The following IL27 variants were observed in gnomAD, a reference collection of about 807,000 sequenced individuals.
IL27 encodes interleukin-27 subunit alpha.
IL27 carries 11 observed loss-of-function variants against 27.0 expected under a neutral mutation model. The observed-to-expected ratio is 0.41, with a 90% confidence interval of 0.26 to 0.67. The LOEUF is 0.67. IL27 is among the 30% of genes least tolerant of loss of function. The pLI is 0.34. For missense variants in IL27, 299 were observed against 310.4 expected (o/e 0.96, Z 0.28); for synonymous variants, 134 against 140.6 (o/e 0.95, Z 0.33).
In IL27 at chr16:28,503,939, G is replaced by A. The variant is rs772274778; in HGVS notation, c.143C>T (p.Thr48Ile). The A allele has an allele frequency of 1.2e-6, 2 of 1,614,212 alleles. No homozygotes were observed. Among genetic ancestry groups the A allele is most frequent in the Non-Finnish European group, 1.7e-6 (2 of 1,180,034 alleles). The change falls in exon 2 of 5, where the codon ACA becomes ATA. Residue 48 changes from threonine to isoleucine, a missense_variant. Transcript: ENST00000356897. ...LSLQELRREF[T>I]VSLHLARKLL... ...CTTCCTGGCGAGATGCAGGCTGACT[G>A]TGAACTCCCTCCGCAGCTCCTGCAG...
intron 1 of IL27, among the ~76,000 whole-genome samples, 189 bp downstream of exon 1, chr16:28,506,592 G>A (rs989532886): frequency 6.6e-6 from 1 of 151,990 alleles, no homozygotes; most frequent in Non-Finnish European, 1.5e-5. Flanking sequence ...CCCTGGGTCA[G>A]ACCACCACCC....
intron 3 of IL27, 79 bp from the exon 4 acceptor site, chr16:28,502,213 T>A: frequency 7.6e-7 from 1 of 1,315,550 alleles, no homozygotes; most frequent in South Asian, 1.4e-5. Flanking sequence ...CCTATCCGGG[T>A]CTCCTTCCCA....
intron 1 of IL27, among the ~76,000 whole-genome samples, chr16:28,504,268 A>G (rs1380749870): frequency 6.6e-6 from 1 of 152,196 alleles, no homozygotes; most frequent in African/African-American, 2.4e-5. Flanking sequence ...ACCTGAGGCC[A>G]GGAGTTCAAG....
intron 4 of IL27, 94 bp downstream of exon 4, chr16:28,501,882 C>T (rs2046433892): frequency 7.1e-6 from 10 of 1,412,454 alleles, no homozygotes; most frequent in Non-Finnish European, 7.8e-6. Context: ...CACACTCTCA[C>T]ACTCACACAC....
chr16:28,502,126 C>T lies in IL27; in HGVS notation c.312G>A (p.Glu104=). 6.2e-7 allele frequency: 1 copy of T among 1,603,336 alleles called. No homozygotes were observed. Among genetic ancestry groups the T allele is most frequent in the Non-Finnish European group, 8.5e-7 (1 of 1,174,750 alleles). ...GCGTGGTGGAGATGAAGCAGAGACG[C>T]TCCGGGTCCTGAAGGGGAGGGAGAT... ...FQAWRRLSDP[E]RLCFISTTLQ... The change falls in exon 4 of 5, where the codon GAG becomes GAA. Residue 104 remains glutamate, a synonymous_variant. Coordinates refer to ENST00000356897, the MANE Select transcript of IL27 (RefSeq NM_145659.3).
At chr16:28,501,843 C>G in intron 4 of IL27, 133 bp downstream of exon 4, 2 of 1,088,864 alleles carry the variant, frequency 1.8e-6, no homozygotes, top group South Asian at 1.5e-5. Flanking sequence ...ACTCATGAAC[C>G]CACACACTCA....
chr16:28,504,087 G>A (rs770196533), intron 1 of IL27, 37 bp from the exon 2 acceptor site: 1 of 1,551,536 alleles, frequency 6.4e-7, no homozygotes, highest in Non-Finnish European at 8.7e-7. Flanking sequence ...GACAGGGAGA[G>A]AGCTTGAGAA....
chr16:28,502,918 G>A lies in IL27; in HGVS notation c.303+777C>T, dbSNP rs2046440842. ...TCTCACTGCAACCTCCACCTCCTGG[G>A]TTCAAGTAATTCTCCTGCCTCAGCC... On this transcript the variant is annotated intron_variant, in intron 3 of 4. Transcript: ENST00000356897. 3.3e-5 allele frequency among the ~76,000 whole-genome samples: 5 copies of A among 152,286 alleles called. No individual in the cohort carries two copies. The South Asian group carries it at 1.0e-3, about 32-fold the overall frequency.
chr16:28,500,053 G>T lies in IL27; in HGVS notation c.463-133C>A. ...GTCATGATTTCCCCGGACATTCCCT[G>T]CTTGATCTTCCATGATGTCACCTGC... On this transcript the variant is annotated intron_variant, in intron 4 of 4. Coordinates refer to ENST00000356897, the MANE Select transcript of IL27 (RefSeq NM_145659.3). 6.5e-6 allele frequency: 8 copies of T among 1,231,008 alleles called. No individual in the cohort carries two copies. In the South Asian group the frequency reaches 1.1e-4, roughly 17 times the overall value. 76.3% of individuals were successfully genotyped at this position (1,231,008 alleles called of 1,614,324 possible).
In IL27 at chr16:28,503,810, G is replaced by A. The variant is rs779661158; in HGVS notation, c.205-17C>T. 8.1e-6 allele frequency: 13 copies of A among 1,612,392 alleles called. No homozygotes were observed. The highest frequency in any genetic ancestry group is 6.7e-5 in the African/African-American group (5 of 74,924). On this transcript the variant is annotated splice_polypyrimidine_tract_variant and intron_variant, in intron 2 of 4. Transcript: ENST00000356897. ...AGATTCCGCCTGGGGGGCAAGGTCT[G>A]TTAGTGGGGGCCAGAAGGGATTGGG...
intron 4 of IL27, 65 bp from the exon 5 acceptor site, chr16:28,499,985 C>T (rs2046421791): frequency 1.4e-6 from 2 of 1,468,846 alleles, no homozygotes; most frequent in African/African-American, 1.4e-5. Flanking sequence ...TCCTCATTCC[C>T]TATTCATGCC....
Position 28,504,002 on chromosome 16 carries a change from C to G in IL27, c.80G>C (p.Trp27Ser), listed in dbSNP as rs766901126. 3.1e-6 allele frequency: 5 copies of G among 1,613,424 alleles called. No homozygotes were observed. Among genetic ancestry groups the G allele is most frequent in the Non-Finnish European group, 4.2e-6 (5 of 1,179,574 alleles). Residue 27 changes from tryptophan to serine, a missense_variant, in exon 2 of 5, where the codon TGG becomes TCG. Coordinates refer to ENST00000356897, the MANE Select transcript of IL27 (RefSeq NM_145659.3). ...CCTCCCTGGGGGCCTTGGGAATCCC[C>G]AGACACCAGCTTGAACCAGGAGCAA... is the stretch of plus-strand genomic sequence containing the variant. ...LPLLLVQAGVWGFPRPPGRPQ... is the reference protein window; with the variant it reads ...LPLLLVQAGVSGFPRPPGRPQ...
chr16:28,501,621 CCACACACTCACT>C (rs2046430877), intron 4 of IL27, among the ~76,000 whole-genome samples: 2 of 148,714 alleles, frequency 1.3e-5, no homozygotes, highest in African/African-American at 4.9e-5. Context: ...TCACACAGAC[CCACACACTCACT>C]CTCACACTCA....
At chr16:28,504,122 C>T in intron 1 of IL27, 72 bp from the exon 2 acceptor site, 1 of 1,466,024 alleles carries the variant, frequency 6.8e-7, no homozygotes, top group South Asian at 1.3e-5. Context: ...CTTTTCTGAG[C>T]CTGTGCTAGC....
chr16:28,505,924 C>T (rs1429050398), intron 1 of IL27, among the ~76,000 whole-genome samples: 2 of 152,270 alleles, frequency 1.3e-5, no homozygotes, highest in East Asian at 3.9e-4. Context: ...CTACCTCCCT[C>T]GTGGGCTTGC....
rs552112838 is a variant in IL27, at chr16:28,502,177, G to T, written c.304-43C>A. The T allele has an allele frequency of 3.6e-5, 55 of 1,527,962 alleles. No homozygotes were observed. The African/African-American group carries it at 7.1e-4, about 20-fold the overall frequency. The allele number at this position is 1,527,962 out of a possible 1,614,324, so 94.7% of individuals were successfully genotyped here. A position where few individuals can be genotyped will look rare whatever the true frequency, so the allele number is the denominator to read the frequency against. On this transcript the variant is annotated intron_variant, in intron 3 of 4. Transcript: ENST00000356897. ...GGTCAGGAAAGGTCCACAGGCCAAGGATGGCCATATCACACCCACCCCCTC... is the reference window on the plus strand; with the variant it reads ...GGTCAGGAAAGGTCCACAGGCCAAGTATGGCCATATCACACCCACCCCCTC...
At chr16:28,505,188 G>T (rs1388220728) in intron 1 of IL27, among the ~76,000 whole-genome samples, 1 of 152,256 alleles carries the variant, frequency 6.6e-6, no homozygotes, top group Non-Finnish European at 1.5e-5. Flanking sequence ...AAGCGGCTCT[G>T]ATGGCTTGAA....
At chr16:28,502,233 C>G in intron 3 of IL27, 99 bp from the exon 4 acceptor site, 1 of 1,124,986 alleles carries the variant, frequency 8.9e-7, no homozygotes, top group Non-Finnish European at 1.3e-6. Flanking sequence ...ATTCCACGCT[C>G]CAGCCTCCAG....
intron 1 of IL27, among the ~76,000 whole-genome samples, chr16:28,504,465 T>C (rs1161706976): frequency 6.8e-6 from 1 of 147,184 alleles, no homozygotes; most frequent in African/African-American, 2.5e-5. Flanking sequence ...AGAGCCAGAC[T>C]CTGTCTCAAA....
Sources: allele counts gnomAD v4.1 joint callset (sites outside exome capture counted in the v4.1 genomes callset), GRCh38; gene constraint gnomAD v4.1.1; transcripts MANE v1.5; gene names NCBI Gene and HGNC (gene_info 2026-07-23, HGNC 2026-07-21).